Variants in GID8 observed in about 807,000 individuals in gnomAD.
GID8 encodes glucose-induced degradation protein 8 homolog.
A neutral mutation model predicts 27.4 loss-of-function variants in GID8; 6 were observed. The ratio of observed to expected loss-of-function variants is 0.22; its 90% confidence interval spans 0.12 to 0.43. The LOEUF (loss-of-function observed/expected upper bound fraction) is 0.43, where lower values mean the gene tolerates loss of function less well. Ranked by LOEUF, GID8 falls within the 20% of genes least tolerant of loss-of-function variation. GID8 has a pLI of 1.00. For missense variants in GID8, 173 were observed against 287.6 expected, an observed-to-expected ratio of 0.60 and a Z score of 2.88; for synonymous variants, 112 against 109.0, an observed-to-expected ratio of 1.03 and a Z score of -0.17.
Position 62,946,928 on chromosome 20 carries a change from C to G in GID8, c.*2016C>G, listed in dbSNP as rs1244576026. On this transcript the variant is annotated 3_prime_UTR_variant, in exon 5 of 5. Coordinates refer to ENST00000266069, the MANE Select transcript of GID8 (RefSeq NM_017896.3). Reference sequence around the variant, plus strand: ...ATCGTTTACTTGCATAATATATCATCAATTTGACATATTCTTAAAACTAGA... The same window carrying G: ...ATCGTTTACTTGCATAATATATCATGAATTTGACATATTCTTAAAACTAGA... The G allele has an allele frequency of 6.6e-6, 1 of 152,220 alleles. No individual in the cohort carries two copies. The highest frequency in any genetic ancestry group is 1.5e-5 in the Non-Finnish European group (1 of 68,052). The allele number at this position is 152,220 out of a possible 1,614,324, so 9.4% of individuals were successfully genotyped here.
intron 1 of GID8, among the ~76,000 whole-genome samples, chr20:62,940,373 G>A (rs1173947333): frequency 2.7e-5 from 3 of 109,608 alleles, no homozygotes; most frequent in Non-Finnish European, 4.3e-5. Flanking sequence ...TTTTTGAGAC[G>A]GAGTCTTGTT....
rs2065466674 is a variant in GID8, at chr20:62,946,391, G to A, written c.*1479G>A. 1 of 198,226 alleles carries A rather than the reference G, an allele frequency of 5.0e-6. No individual in the cohort carries two copies. The highest frequency in any genetic ancestry group is 2.3e-5 in the African/African-American group (1 of 42,658). 12.3% of individuals were successfully genotyped at this position (198,226 alleles called of 1,614,324 possible). ...CCTGCATCCCTTGAGTGTTGATCAG[G>A]AGGCGTCCACAGCATTGTTCTCGCC... On this transcript the variant is annotated 3_prime_UTR_variant, in exon 5 of 5. Coordinates refer to ENST00000266069, the MANE Select transcript of GID8 (RefSeq NM_017896.3).
Position 62,946,574 on chromosome 20 carries a change from G to C in GID8, c.*1662G>C, listed in dbSNP as rs1371928329. 1 of 152,816 alleles carries C rather than the reference G, an allele frequency of 6.5e-6. No homozygotes were observed. Among genetic ancestry groups the C allele is most frequent in the Admixed American group, 6.5e-5 (1 of 15,352 alleles). The allele number at this position is 152,816 out of a possible 1,614,324, so 9.5% of individuals were successfully genotyped here. ...ATGCAAAGATAAAATTGCTGCGGTT[G>C]TTACAGAAGCATGGCGGCCTCCAGA... On this transcript the variant is annotated 3_prime_UTR_variant, in exon 5 of 5. Coordinates refer to ENST00000266069, the MANE Select transcript of GID8 (RefSeq NM_017896.3).
chr20:62,944,001 A>G (rs1466642980), intron 4 of GID8, among the ~76,000 whole-genome samples: 1 of 151,952 alleles, frequency 6.6e-6, no homozygotes, highest in East Asian at 1.9e-4. Context: ...ACGCCCAGCT[A>G]AGTTTTGTAT....
rs2147633891 is a variant in GID8 at position 62,945,028 on chromosome 20, T to C, written c.*116T>C. 1 of 1,388,266 alleles carries C rather than the reference T, an allele frequency of 7.2e-7. No homozygotes were observed. Among genetic ancestry groups the C allele is most frequent in the East Asian group, 2.7e-5 (1 of 37,680 alleles). The allele number at this position is 1,388,266 out of a possible 1,614,324, so 86.0% of individuals were successfully genotyped here. On this transcript the variant is annotated 3_prime_UTR_variant, in exon 5 of 5. Coordinates refer to ENST00000266069, the MANE Select transcript of GID8 (RefSeq NM_017896.3). ...AGAGAACTCTTTTTCTCCCTTGTAC[T>C]TTTTTTTGACCTGGCATCTTTTTAT...
intron 1 of GID8, chr20:62,938,846 T>TTAA (rs1388383721): frequency 6.6e-6 from 1 of 152,152 alleles, no homozygotes; most frequent in Non-Finnish European, 1.5e-5. Flanking sequence ...TAGGGAGCTC[T>TTAA]TAACGTTGGT....
chr20:62,943,067 C>T lies in GID8; in HGVS notation c.199C>T (p.Arg67Ter). 2 of 1,611,204 alleles carry T rather than the reference C, an allele frequency of 1.2e-6. No individual in the cohort carries two copies. The highest frequency in any genetic ancestry group is 1.7e-6 in the Non-Finnish European group (2 of 1,178,230). ...PSVDLETLDE[R>*]IKIREMILKG... is the part of the protein sequence containing the mutation. ...TGTGGATCTGGAAACACTTGATGAACGAATCAAGATCCGGGAGATGATACT... is the reference window on the plus strand; with the variant it reads ...TGTGGATCTGGAAACACTTGATGAATGAATCAAGATCCGGGAGATGATACT... The change falls in exon 3 of 5, where the codon CGA (arginine) becomes TGA (stop). Residue 67 changes from arginine to a stop codon, truncating the protein, a stop_gained. Transcript: ENST00000266069. LOFTEE classifies it high-confidence loss of function. This position sits in a 1 kb window ranked among gnomAD's most constrained non-coding sequence, Gnocchi z 4.7.
At position 62,944,830 on chromosome 20, in the gene GID8, C is replaced by T; in HGVS notation, c.605C>T (p.Ala202Val). 6.2e-7 allele frequency: 1 copy of T among 1,614,130 alleles called. No individual in the cohort carries two copies. Among genetic ancestry groups the T allele is most frequent in the Non-Finnish European group, 8.5e-7 (1 of 1,179,990 alleles). ...AAATTACTGAAACTACTACTTTGGG[C>T]TCAGAACGAGCTGGACCAGAAGAAA... ...LAKLLKLLLW[A>V]QNELDQKKVK... Residue 202 changes from alanine (A) to valine (V), a missense_variant, in exon 5 of 5, where the codon GCT (alanine) becomes GTT (valine). Transcript: ENST00000266069.
At position 62,945,899 on chromosome 20, in the gene GID8, A is replaced by G. The variant is rs576985428; in HGVS notation, c.*987A>G. 1.4e-4 allele frequency: 175 copies of G among 1,289,574 alleles called. No homozygotes were observed. In the South Asian group the frequency reaches 2.1e-3, roughly 15 times the overall value. 79.9% of individuals were successfully genotyped at this position (1,289,574 alleles called of 1,614,324 possible). On this transcript the variant is annotated 3_prime_UTR_variant, in exon 5 of 5. Coordinates refer to ENST00000266069, the MANE Select transcript of GID8 (RefSeq NM_017896.3). ...GTGATCTGCCCTCCAGCATCTCGGC[A>G]GCATCTCATCCTCCATCGTCAGCTG...
At chr20:62,944,603 C>A in intron 4 of GID8, 136 bp from the exon 5 acceptor site, 1 of 668,332 alleles carries the variant, frequency 1.5e-6, no homozygotes, top group Admixed American at 2.7e-5. Context: ...CTTCCCCAGG[C>A]AAGGACTATG....
In GID8 at chr20:62,945,866, C is replaced by T. The variant is rs191182219; in HGVS notation, c.*954C>T. 8.5e-6 allele frequency: 11 copies of T among 1,289,760 alleles called. No homozygotes were observed. The highest frequency in any genetic ancestry group is 1.0e-5 in the Non-Finnish European group (10 of 988,886). The allele number at this position is 1,289,760 out of a possible 1,614,324, so 79.9% of individuals were successfully genotyped here. On this transcript the variant is annotated 3_prime_UTR_variant, in exon 5 of 5. Coordinates refer to ENST00000266069, the MANE Select transcript of GID8 (RefSeq NM_017896.3). Reference sequence around the variant, plus strand: ...ACTGTTGGCGGAAGGAACGCGTGTTCATCCTCAGTGATCTGCCCTCCAGCA... The same window carrying T: ...ACTGTTGGCGGAAGGAACGCGTGTTTATCCTCAGTGATCTGCCCTCCAGCA...
chr20:62,945,407 C>T lies in GID8; in HGVS notation c.*495C>T. The T allele has an allele frequency of 3.1e-6, 3 of 982,836 alleles. No homozygotes were observed. The highest frequency in any genetic ancestry group is 3.6e-6 in the Non-Finnish European group (3 of 827,088). The allele number at this position is 982,836 out of a possible 1,614,324, so 60.9% of individuals were successfully genotyped here. A position where few individuals can be genotyped will look rare whatever the true frequency, so the allele number is the denominator to read the frequency against. ...GAAAGAATATATAAATTTGTAAATC[C>T]TAATTCAAAGATGGCTCATGTGTGA... On this transcript the variant is annotated 3_prime_UTR_variant, in exon 5 of 5. Transcript: ENST00000266069.
In GID8 at chr20:62,943,653, G is replaced by A. The variant is rs200086527; in HGVS notation, c.474G>A (p.Ser158=). ...ALLAFDSPEE[S]PFGDLLHTMQ... is the part of the protein sequence containing the mutation. The stretch of plus-strand genomic sequence containing the variant: ...TGGCCTTTGACAGTCCCGAGGAGTC[G>A]CCCTTCGGAGACCTCCTCCACACCA... Residue 158 remains serine, a synonymous_variant, in exon 4 of 5, where the codon TCG becomes TCA. Transcript: ENST00000266069. This position sits in a 1 kb window ranked among gnomAD's most constrained non-coding sequence, Gnocchi z 4.7. The A allele has an allele frequency of 2.7e-5, 43 of 1,613,708 alleles. No homozygotes were observed. The Middle Eastern group carries it at 5.0e-4, about 19-fold the overall frequency.
In GID8 at chr20:62,941,524, G is replaced by A. The variant is rs560888977; in HGVS notation, c.22G>A (p.Asp8Asn). The A allele has an allele frequency of 3.1e-6, 5 of 1,610,906 alleles. No homozygotes were observed. The highest frequency in any genetic ancestry group is 2.2e-5 in the South Asian group (2 of 90,996). ...CAGAATGAGTTATGCAGAAAAACCC[G>A]ATGAAATCACGAAAGATGAGTGGAT... is the stretch of plus-strand genomic sequence containing the variant. MSYAEKP[D>N]EITKDEWMEK... The change falls in exon 2 of 5, where the codon GAT becomes AAT. Residue 8 changes from aspartate (D) to asparagine (N), a missense_variant. Transcript: ENST00000266069.
In GID8 at chr20:62,943,370, G is replaced by C. The variant is rs548123809; in HGVS notation, c.316-125G>C. On this transcript the variant is annotated intron_variant, in intron 3 of 4. Transcript: ENST00000266069. This position sits in a 1 kb window ranked among gnomAD's most constrained non-coding sequence, Gnocchi z 4.7. ...TTTTTTGTTTTAAAAATGCAAATTT[G>C]ATAACTCAGAGATGCAAGAAAAGTC... 2 of 1,046,960 alleles carry C rather than the reference G, an allele frequency of 1.9e-6. No homozygotes were observed. Among genetic ancestry groups the C allele is most frequent in the African/African-American group, 1.6e-5 (1 of 62,558 alleles). 64.9% of individuals were successfully genotyped at this position (1,046,960 alleles called of 1,614,324 possible).
chr20:62,946,177 T>C lies in GID8; in HGVS notation c.*1265T>C. ...GGAATTGCTGACCCATCCAAGGGCG[T>C]CCTTTGGAGCCAGTGGAGCCTGCCG... On this transcript the variant is annotated 3_prime_UTR_variant, in exon 5 of 5. Coordinates refer to ENST00000266069, the MANE Select transcript of GID8 (RefSeq NM_017896.3). 1 of 453,002 alleles carries C rather than the reference T, an allele frequency of 2.2e-6. No individual in the cohort carries two copies. Among genetic ancestry groups the C allele is most frequent in the Non-Finnish European group, 3.7e-6 (1 of 270,308 alleles). The allele number at this position is 453,002 out of a possible 1,614,324, so 28.1% of individuals were successfully genotyped here.
Position 62,945,413 on chromosome 20 carries a change from C to G in GID8, c.*501C>G. ...ATATATAAATTTGTAAATCCTAATT[C>G]AAAGATGGCTCATGTGTGAGGGCAT... On this transcript the variant is annotated 3_prime_UTR_variant, in exon 5 of 5. Coordinates refer to ENST00000266069, the MANE Select transcript of GID8 (RefSeq NM_017896.3). The G allele has an allele frequency of 3.1e-6, 3 of 974,052 alleles. No homozygotes were observed. Among genetic ancestry groups the G allele is most frequent in the Non-Finnish European group, 2.4e-6 (2 of 821,686 alleles). The allele number at this position is 974,052 out of a possible 1,614,324, so 60.3% of individuals were successfully genotyped here.
rs2065473815 is a variant in GID8 at position 62,948,067 on chromosome 20, C to T, written c.*3155C>T. ...GTGGCCAAGCAGTCTGTGTGCTTCC[C>T]CGCTGATGGAGAACGTTGCGTTGTT... On this transcript the variant is annotated 3_prime_UTR_variant, in exon 5 of 5. Transcript: ENST00000266069. 1.3e-5 allele frequency: 2 copies of T among 152,216 alleles called. No homozygotes were observed. Among genetic ancestry groups the T allele is most frequent in the Admixed American group, 1.3e-4 (2 of 15,282 alleles). The allele number at this position is 152,216 out of a possible 1,614,324, so 9.4% of individuals were successfully genotyped here.
chr20:62,941,407 C>G (rs938843842), intron 1 of GID8, 84 bp from the exon 2 acceptor site: 2 of 759,504 alleles, frequency 2.6e-6, no homozygotes, highest in Non-Finnish European at 4.7e-6. Context: ...GTGGGATTCT[C>G]CGGCTCACAG....
Sources: gnomAD v4.1 joint callset for allele counts (sites outside exome capture counted in the v4.1 genomes callset) on GRCh38, gnomAD v4.1.1 for gene constraint, Gnocchi (gnomAD v3.1) non-coding constraint, MANE v1.5 for transcripts, NCBI Gene and HGNC (gene_info 2026-07-23, HGNC 2026-07-21) for gene names.